The following ADAMTSL1 variants were observed in gnomAD, a reference collection of about 807,000 sequenced individuals.
The protein encoded by ADAMTSL1 is ADAMTS-like protein 1.
A neutral mutation model predicts 201.8 loss-of-function variants in ADAMTSL1; 126 were observed. The ratio of observed to expected loss-of-function variants is 0.62; its 90% CI spans 0.54 to 0.72. ADAMTSL1 has a LOEUF of 0.72. ADAMTSL1 is among the 30% of genes least tolerant of loss of function. ADAMTSL1 has a pLI of 0.00. For synonymous variants in ADAMTSL1, 1,121 were observed against 903.4 expected (o/e 1.24, Z -4.32); for missense variants, 2,679 against 2,277.8 (o/e 1.18, Z -3.59).
chr9:18,090,198 T>A (rs1482693997), intron 1 of ADAMTSL1, among the ~76,000 whole-genome samples: 1 of 152,104 alleles, frequency 6.6e-6, no homozygotes, highest in East Asian at 1.9e-4. Context: ...TGCCACTTCC[T>A]CAAAAAATTA....
At chr9:18,676,027 T>A in intron 10 of ADAMTSL1, 120 bp downstream of exon 10, 2 of 980,866 alleles carry the variant, frequency 2.0e-6, no homozygotes, top group South Asian at 2.9e-5. Flanking sequence ...AGATGGTAGA[T>A]GGTATATTTT....
chr9:17,959,480 A>G (rs943305871), intron 1 of ADAMTSL1, among the ~76,000 whole-genome samples: 6 of 151,988 alleles, frequency 3.9e-5, no homozygotes, highest in Admixed American at 3.9e-4. Context: ...ATTTTTTGAG[A>G]CAGAGTCTCG....
intron 23 of ADAMTSL1, among the ~76,000 whole-genome samples, chr9:18,840,205 T>A (rs1825622949): frequency 6.6e-6 from 1 of 151,864 alleles, no homozygotes; most frequent in Non-Finnish European, 1.5e-5. Context: ...CTTGAATTAA[T>A]TTTTGTATAA....
intron 1 of ADAMTSL1, among the ~76,000 whole-genome samples, chr9:18,066,781 T>C (rs1020054978): frequency 6.6e-6 from 1 of 152,180 alleles, no homozygotes; most frequent in African/African-American, 2.4e-5. Context: ...ATGTGGCACA[T>C]ATACACCATG....
At chr9:18,237,982 A>G (rs888662374) in intron 2 of ADAMTSL1, among the ~76,000 whole-genome samples, 1 of 152,218 alleles carries the variant, frequency 6.6e-6, no homozygotes, top group East Asian at 1.9e-4. Flanking sequence ...CATTGCTCAC[A>G]CTGCTTTGCC....
chr9:18,130,531 C>T (rs2131962605), intron 1 of ADAMTSL1, among the ~76,000 whole-genome samples: 1 of 152,148 alleles, frequency 6.6e-6, no homozygotes, highest in Non-Finnish European at 1.5e-5. Flanking sequence ...CAAGGAGGGT[C>T]CAGACTTTCA....
At chr9:18,851,434 A>G (rs2131371776) in intron 23 of ADAMTSL1, among the ~76,000 whole-genome samples, 1 of 152,338 alleles carries the variant, frequency 6.6e-6, no homozygotes, top group East Asian at 1.9e-4. Flanking sequence ...CAGCAACTTA[A>G]TTCTTGCCTC....
Position 18,555,029 on chromosome 9 carries a change from C to G in ADAMTSL1, c.238-19001C>G, listed in dbSNP as rs535544503. On this transcript the variant is annotated intron_variant, in intron 3 of 28. Coordinates refer to ENST00000380548, the MANE Select transcript of ADAMTSL1 (RefSeq NM_001040272.6). ...ATCTTCTGTGCTCCACCTGTTCATC[C>G]TCACCTCCCCATAACCCGTGACAAC... Among the ~76,000 whole-genome samples, 25 of 151,988 alleles carry G rather than the reference C, an allele frequency of 1.6e-4. No individual in the cohort carries two copies. The South Asian group carries it at 4.4e-3, about 27-fold the overall frequency.
intron 4 of ADAMTSL1, among the ~76,000 whole-genome samples, chr9:18,584,301 A>G (rs1041700573): frequency 1.3e-5 from 2 of 151,366 alleles, no homozygotes; most frequent in Admixed American, 6.6e-5. Flanking sequence ...GTTTCTCTGC[A>G]CAAGCTCTCT....
At chr9:18,636,379 C>A (rs1827115086) in intron 6 of ADAMTSL1, among the ~76,000 whole-genome samples, 2 of 152,078 alleles carry the variant, frequency 1.3e-5, no homozygotes, top group Admixed American at 6.6e-5. Context: ...TTCTAACCCA[C>A]TTCTCTTTTC....
At chr9:18,578,741 C>A (rs1349102528) in intron 4 of ADAMTSL1, among the ~76,000 whole-genome samples, 3 of 151,822 alleles carry the variant, frequency 2.0e-5, no homozygotes, top group African/African-American at 2.4e-5. Flanking sequence ...TGGGTATATA[C>A]CCAGTAATGG....
chr9:17,984,076 A>C (rs1488312030), intron 1 of ADAMTSL1, among the ~76,000 whole-genome samples: 1 of 152,310 alleles, frequency 6.6e-6, no homozygotes, highest in East Asian at 1.9e-4. Context: ...TTATTTTCCA[A>C]GTAGCCACAG....
intron 5 of ADAMTSL1, among the ~76,000 whole-genome samples, chr9:18,635,242 T>C (rs1827041134): frequency 6.6e-6 from 1 of 152,168 alleles, no homozygotes; most frequent in Non-Finnish European, 1.5e-5. Flanking sequence ...ATGCATGTAA[T>C]ATAGCTCTAA....
At chr9:18,787,503 G>A (rs1299913044) in intron 19 of ADAMTSL1, among the ~76,000 whole-genome samples, 1 of 152,096 alleles carries the variant, frequency 6.6e-6, no homozygotes, top group Non-Finnish European at 1.5e-5. Context: ...CTAGCACATG[G>A]CAGAGTTCCA....
At chr9:18,630,363 G>A (rs10481563) in intron 5 of ADAMTSL1, among the ~76,000 whole-genome samples, 20,005 of 152,118 alleles carry the variant, frequency 0.13, 1,451 homozygotes, top group Admixed American at 0.2. Flanking sequence ...TCCCCAGGCC[G>A]GGTAATTTCC....
intron 1 of ADAMTSL1, among the ~76,000 whole-genome samples, chr9:18,082,025 T>TTATGA (rs1309570310): frequency 6.6e-6 from 1 of 152,214 alleles, no homozygotes; most frequent in Non-Finnish European, 1.5e-5. Context: ...TTTTATTTGC[T>TTATGA]TATGATATGA....
intron 1 of ADAMTSL1, among the ~76,000 whole-genome samples, chr9:17,979,538 T>G (rs1227229644): frequency 1.3e-5 from 2 of 151,824 alleles, no homozygotes; most frequent in Non-Finnish European, 2.9e-5. Flanking sequence ...TTTTTTTTTT[T>G]TATTTCTGTC....
chr9:18,230,486 C>G (rs1300558916), intron 2 of ADAMTSL1, among the ~76,000 whole-genome samples: 1 of 152,050 alleles, frequency 6.6e-6, no homozygotes, highest in East Asian at 1.9e-4. Context: ...CCTCATGTGG[C>G]TGGAATGTAG....
At chr9:18,787,147 C>A (rs1300777352) in intron 19 of ADAMTSL1, among the ~76,000 whole-genome samples, 7 of 152,090 alleles carry the variant, frequency 4.6e-5, no homozygotes, top group African/African-American at 1.7e-4. Context: ...GAAAAACAAG[C>A]CCATTTCAGT....
Sources: allele counts gnomAD v4.1 joint callset (sites outside exome capture counted in the v4.1 genomes callset), GRCh38; gene constraint gnomAD v4.1.1; transcripts MANE v1.5; gene names NCBI Gene and HGNC (gene_info 2026-07-23, HGNC 2026-07-21).